Variants in ELAVL2 observed in about 807,000 individuals in gnomAD.
ELAVL2 encodes the protein ELAV like RNA binding protein 2, also known as ELAV-like protein 2.
ELAVL2 carries 4 observed loss-of-function variants against 34.6 expected under a neutral mutation model. That is an observed-to-expected ratio of 0.12 (90% CI 0.06 to 0.26). The LOEUF is 0.26. ELAVL2 is among the 10% of genes least tolerant of loss of function. The pLI, the probability that ELAVL2 is intolerant of heterozygous loss-of-function variation, is 1.00. For missense variants in ELAVL2, 432 were observed against 442.8 expected (o/e 0.98, Z 0.22); for synonymous variants, 193 against 154.8 (o/e 1.25, Z -1.83).
intron 5 of ELAVL2, 80 bp downstream of exon 5, chr9:23,701,299 G>A (rs1333656402): frequency 4.1e-6 from 6 of 1,457,816 alleles, no homozygotes; most frequent in African/African-American, 1.4e-5. Context: ...CAGAGATCCT[G>A]TCAATAAAAG....
chr9:23,733,586 G>A (rs2047128661), intron 2 of ELAVL2, among the ~76,000 whole-genome samples: 1 of 152,152 alleles, frequency 6.6e-6, no homozygotes, highest in South Asian at 2.1e-4. Context: ...AAATCTTCAA[G>A]TTACCTATTA....
intron 1 of ELAVL2, among the ~76,000 whole-genome samples, chr9:23,791,297 C>CTTT (rs2060291316): frequency 6.6e-6 from 1 of 152,162 alleles, no homozygotes. Context: ...AAGCATTTCC[C>CTTT]TTCTGGAATG....
intron 2 of ELAVL2, among the ~76,000 whole-genome samples, chr9:23,735,884 G>T (rs916538425): frequency 6.6e-6 from 1 of 152,132 alleles, no homozygotes; most frequent in Non-Finnish European, 1.5e-5. Context: ...TCAGAGCAAG[G>T]AGAGGAAAAC....
chr9:23,751,548 A>G (rs963171136), intron 2 of ELAVL2, among the ~76,000 whole-genome samples: 4 of 152,222 alleles, frequency 2.6e-5, no homozygotes, highest in East Asian at 3.9e-4. Context: ...ATCCCAAAAC[A>G]CAGGTCTCTG....
intron 2 of ELAVL2, chr9:23,735,105 CAAAAAAAAAAAAAA>C: frequency 7.2e-5 from 2 of 27,952 alleles, no homozygotes; most frequent in Non-Finnish European, 1.3e-4. Context: ...TAAGGCTCTT[CAAAAAAAAAAAAAA>C]AAAAAAAAGC....
At chr9:23,849,246 A>T in the ELAVL2 span, among the ~76,000 whole-genome samples, 1 of 152,222 alleles carries the variant, frequency 6.6e-6, no homozygotes, top group Non-Finnish European at 1.5e-5. Context: ...CACTTTAAAA[A>T]GTGGGATGAA....
At chr9:23,695,915 C>G (rs773440421) in intron 5 of ELAVL2, among the ~76,000 whole-genome samples, 1 of 152,158 alleles carries the variant, frequency 6.6e-6, no homozygotes, top group Admixed American at 6.5e-5. Context: ...TTCCATCCTC[C>G]ATCTCCCTCA....
At chr9:23,745,385 C>T (rs1448641538) in intron 2 of ELAVL2, among the ~76,000 whole-genome samples, 1 of 152,086 alleles carries the variant, frequency 6.6e-6, no homozygotes, top group Admixed American at 6.6e-5. Flanking sequence ...CCTGCCCTAC[C>T]CACCACCATC....
intron 2 of ELAVL2, among the ~76,000 whole-genome samples, chr9:23,760,308 A>C (rs941436425): frequency 9.2e-5 from 14 of 152,160 alleles, no homozygotes; most frequent in Non-Finnish European, 1.8e-4. Context: ...GTTTCATAAC[A>C]AAACATGACT....
chr9:23,784,974 T>C (rs892447863), intron 1 of ELAVL2, among the ~76,000 whole-genome samples: 1 of 152,202 alleles, frequency 6.6e-6, no homozygotes. Flanking sequence ...AAGTGAAATA[T>C]ATTCAATTTC....
intron 3 of ELAVL2, among the ~76,000 whole-genome samples, chr9:23,730,419 C>G (rs1321026473): frequency 6.6e-6 from 1 of 152,128 alleles, no homozygotes; most frequent in Non-Finnish European, 1.5e-5. Flanking sequence ...AACTACAACT[C>G]AAGCACCACA....
chr9:23,697,326 C>T (rs1396304035), intron 5 of ELAVL2, among the ~76,000 whole-genome samples: 1 of 152,130 alleles, frequency 6.6e-6, no homozygotes, highest in African/African-American at 2.4e-5. Context: ...TAAGGTTAGA[C>T]ACAAGATAAT....
intron 3 of ELAVL2, among the ~76,000 whole-genome samples, chr9:23,724,616 T>G (rs1462463533): frequency 1.3e-5 from 2 of 152,210 alleles, no homozygotes; most frequent in East Asian, 3.9e-4. Context: ...CATCTGTGAC[T>G]TCTCACTTCA....
At chr9:23,708,337 G>A (rs1193676021) in intron 3 of ELAVL2, among the ~76,000 whole-genome samples, 3 of 152,166 alleles carry the variant, frequency 2.0e-5, no homozygotes, top group East Asian at 1.9e-4. Context: ...ACAACCCCAT[G>A]AGGTAGGCAG....
chr9:23,790,535 C>T (rs2137192139), intron 1 of ELAVL2, among the ~76,000 whole-genome samples: 1 of 152,280 alleles, frequency 6.6e-6, no homozygotes, highest in East Asian at 1.9e-4. Context: ...TCCTTCATCT[C>T]ATCTGTCACC....
chr9:23,787,802 TA>T (rs2059876978), intron 1 of ELAVL2, among the ~76,000 whole-genome samples: 1 of 152,170 alleles, frequency 6.6e-6, no homozygotes, highest in Admixed American at 6.5e-5. Flanking sequence ...AGAACCACTG[TA>T]AAAGACTTTT....
At chr9:23,744,826 A>T (rs1010972897) in intron 2 of ELAVL2, among the ~76,000 whole-genome samples, 4 of 152,156 alleles carry the variant, frequency 2.6e-5, no homozygotes, top group African/African-American at 9.7e-5. Context: ...TTCCCTACAA[A>T]GCTAATTTGT....
At chr9:23,781,637 CTT>C (rs1436745194) in intron 1 of ELAVL2, among the ~76,000 whole-genome samples, 5 of 151,538 alleles carry the variant, frequency 3.3e-5, no homozygotes, top group African/African-American at 4.9e-5. Flanking sequence ...ACCTCAGCCT[CTT>C]GAGTAGCTGG....
At chr9:23,718,772 A>G (rs931911494) in intron 3 of ELAVL2, among the ~76,000 whole-genome samples, 6 of 152,336 alleles carry the variant, frequency 3.9e-5, no homozygotes, top group Admixed American at 2.0e-4. Context: ...GTCTACCAAG[A>G]TATTTCTCTC....
Sources: gnomAD v4.1 joint callset for allele counts (sites outside exome capture counted in the v4.1 genomes callset) on GRCh38, gnomAD v4.1.1 for gene constraint, MANE v1.5 for transcripts, NCBI Gene and HGNC (gene_info 2026-07-23, HGNC 2026-07-21) for gene names.